Variants in NELL2 observed in about 807,000 individuals in gnomAD.
The protein encoded by NELL2 is protein kinase C-binding protein NELL2.
NELL2 carries 41 observed loss-of-function variants against 109.6 expected under a neutral mutation model. The observed-to-expected ratio is 0.37, with a 90% confidence interval of 0.29 to 0.49. The LOEUF (loss-of-function observed/expected upper bound fraction) is 0.49. Among genes scored for constraint, NELL2 ranks in the 20% least tolerant of loss-of-function variants. The pLI, the probability that NELL2 is intolerant of heterozygous loss-of-function variation, is 0.98. For missense variants in NELL2, 900 were observed against 1,008.3 expected (o/e 0.89, Z 1.45); for synonymous variants, 355 against 344.7 (o/e 1.03, Z -0.33).
chr12:44,587,284 A>AAAAAAAAAAAAAAAAATATAT, intron 15 of NELL2, among the ~76,000 whole-genome samples: 2 of 72,216 alleles, frequency 2.8e-5, no homozygotes, highest in African/African-American at 5.1e-5. Flanking sequence ...AAAAAAAAAA[A>AAAAAAAAAAAAAAAAATATAT]ATATATATAT....
At chr12:44,746,678 G>A (rs1193396807) in intron 9 of NELL2, among the ~76,000 whole-genome samples, 1 of 152,240 alleles carries the variant, frequency 6.6e-6, no homozygotes, top group East Asian at 1.9e-4. Context: ...CATTTATGCA[G>A]CCAAAAAACA....
chr12:44,698,437 G>T (rs1824874075), intron 12 of NELL2, among the ~76,000 whole-genome samples: 1 of 152,158 alleles, frequency 6.6e-6, no homozygotes, highest in South Asian at 2.1e-4. Flanking sequence ...CAAGAAGAAG[G>T]CACTGTGAAC....
upstream of NELL2, among the ~76,000 whole-genome samples, chr12:44,916,723 C>A (rs965787009): frequency 3.9e-5 from 6 of 152,126 alleles, no homozygotes; most frequent in Non-Finnish European, 8.8e-5. Flanking sequence ...CCCTTCAAGG[C>A]AAACCATTAT....
At chr12:44,672,964 GA>G (rs2057316706) in intron 12 of NELL2, among the ~76,000 whole-genome samples, 1 of 152,120 alleles carries the variant, frequency 6.6e-6, no homozygotes, top group African/African-American at 2.4e-5. Flanking sequence ...TATTGAATAT[GA>G]AACCTTTTAC....
intron 15 of NELL2, among the ~76,000 whole-genome samples, chr12:44,595,200 T>C (rs1188165665): frequency 3.3e-5 from 5 of 152,330 alleles, no homozygotes; most frequent in South Asian, 2.1e-4. Flanking sequence ...AAGAAAATGA[T>C]AACAACTAGT....
rs201689169 is a variant in NELL2 at position 44,791,065 on chromosome 12, G to GTATATA, written c.336-11049_336-11044dup. 4.5e-3 allele frequency among the ~76,000 whole-genome samples: 195 copies of GTATATA among 43,222 alleles called. 7 individuals carry two copies. The highest frequency in any genetic ancestry group is 0.01 in the African/African-American group (108 of 10,352). 28.4% of individuals were successfully genotyped at this position (43,222 alleles called of 152,430 possible). ...GATAGACACCAAGAAGAAAGTTCAA[G>GTATATA]TATATATATATATATACATATATAT... On this transcript the variant is annotated intron_variant, in intron 3 of 19. Coordinates refer to ENST00000429094, the MANE Select transcript of NELL2 (RefSeq NM_001145108.2).
intron 2 of NELL2, among the ~76,000 whole-genome samples, chr12:44,863,809 T>C: frequency 6.6e-6 from 1 of 152,166 alleles, no homozygotes; most frequent in East Asian, 1.9e-4. Flanking sequence ...ATCTTCAGTA[T>C]GAAGGTTAAA....
At chr12:44,756,412 T>TA (rs1192601171) in intron 9 of NELL2, among the ~76,000 whole-genome samples, 1 of 151,894 alleles carries the variant, frequency 6.6e-6, no homozygotes, top group Non-Finnish European at 1.5e-5. Context: ...CTTAAAAAAT[T>TA]AAAAAAATTC....
chr12:44,744,898 T>C (rs1052049690), intron 9 of NELL2, among the ~76,000 whole-genome samples: 4 of 152,186 alleles, frequency 2.6e-5, no homozygotes, highest in African/African-American at 9.7e-5. Flanking sequence ...GTACCATTCC[T>C]TCTGAAACTA....
At chr12:44,711,268 C>T (rs767927762) in intron 11 of NELL2, 24 bp downstream of exon 11, 4 of 1,555,886 alleles carry the variant, frequency 2.6e-6, no homozygotes, top group Non-Finnish European at 3.5e-6. Context: ...TGCACGTAAA[C>T]CTTACTTTTC....
chr12:44,509,949 AG>A (rs1288754565), intron 19 of NELL2, among the ~76,000 whole-genome samples: 1 of 152,120 alleles, frequency 6.6e-6, no homozygotes, highest in East Asian at 1.9e-4. Context: ...ACTGAAAAAA[AG>A]CTTTGGGTAA....
At chr12:44,529,433 A>C (rs1941946410) in intron 16 of NELL2, among the ~76,000 whole-genome samples, 1 of 152,182 alleles carries the variant, frequency 6.6e-6, no homozygotes, top group African/African-American at 2.4e-5. Context: ...TGAGCTACCT[A>C]GTAGGCCACT....
At chr12:44,587,712 C>T (rs1191199936) in intron 15 of NELL2, among the ~76,000 whole-genome samples, 1 of 152,092 alleles carries the variant, frequency 6.6e-6, no homozygotes. Flanking sequence ...CTGAAAGCCA[C>T]CAAGTAGTTA....
chr12:44,594,956 T>G (rs1944901246), intron 15 of NELL2, among the ~76,000 whole-genome samples: 1 of 152,200 alleles, frequency 6.6e-6, no homozygotes, highest in African/African-American at 2.4e-5. Flanking sequence ...AGTAAAAGTT[T>G]TGGCATCCTG....
At chr12:44,840,872 T>C (rs1217344877) in intron 2 of NELL2, among the ~76,000 whole-genome samples, 2 of 152,248 alleles carry the variant, frequency 1.3e-5, no homozygotes, top group East Asian at 3.8e-4. Flanking sequence ...GGAGAAGTGA[T>C]GTCTTTTAAA....
intron 9 of NELL2, among the ~76,000 whole-genome samples, chr12:44,762,940 C>T (rs1176919688): frequency 1.3e-5 from 2 of 152,094 alleles, no homozygotes; most frequent in Non-Finnish European, 2.9e-5. Flanking sequence ...TTCTATATGC[C>T]TAGAACAATC....
intron 13 of NELL2, among the ~76,000 whole-genome samples, chr12:44,657,209 C>G (rs1409648025): frequency 6.6e-6 from 1 of 152,198 alleles, no homozygotes; most frequent in Non-Finnish European, 1.5e-5. Context: ...ATTCACCACT[C>G]TTTCTTCATA....
intron 13 of NELL2, among the ~76,000 whole-genome samples, chr12:44,621,912 G>T (rs2136272698): frequency 6.6e-6 from 1 of 152,080 alleles, no homozygotes; most frequent in South Asian, 2.1e-4. Flanking sequence ...AATAATCCTG[G>T]TTCACGTAGC....
intron 3 of NELL2, among the ~76,000 whole-genome samples, chr12:44,809,276 T>C (rs980138840): frequency 1.3e-5 from 2 of 152,100 alleles, no homozygotes; most frequent in Non-Finnish European, 2.9e-5. Context: ...AATATACTTT[T>C]GCTTTTCAAC....
Sources: allele counts gnomAD v4.1 joint callset (sites outside exome capture counted in the v4.1 genomes callset), GRCh38; gene constraint gnomAD v4.1.1; transcripts MANE v1.5; gene names NCBI Gene and HGNC (gene_info 2026-07-23, HGNC 2026-07-21).